Variants in CFAP96 observed in about 807,000 individuals in gnomAD.
CFAP96 encodes the protein cilia and flagella associated protein 96.
At chr4:185,426,683 G>C in the CFAP96 span, among the ~76,000 whole-genome samples, 1 of 152,212 alleles carries the variant, frequency 6.6e-6, no homozygotes, top group Non-Finnish European at 1.5e-5. Flanking sequence ...GGGGATTGCA[G>C]AATATCTGTT....
chr4:185,437,873 T>C, the CFAP96 span, among the ~76,000 whole-genome samples: 3 of 152,180 alleles, frequency 2.0e-5, no homozygotes, highest in Non-Finnish European at 4.4e-5. Flanking sequence ...GAAAAATTTA[T>C]CTTGCTTTTT....
the CFAP96 span, among the ~76,000 whole-genome samples, chr4:185,448,349 A>G: frequency 6.6e-6 from 1 of 152,258 alleles, no homozygotes; most frequent in African/African-American, 2.4e-5. Flanking sequence ...TACATTTTGA[A>G]TGGTAGCTTA....
the CFAP96 span, among the ~76,000 whole-genome samples, chr4:185,433,185 A>G: frequency 1.3e-5 from 2 of 152,130 alleles, no homozygotes; most frequent in Admixed American, 6.6e-5. Context: ...GTAATGTTAT[A>G]TAACTGAGAC....
the CFAP96 span, among the ~76,000 whole-genome samples, chr4:185,433,219 C>A: frequency 6.6e-6 from 1 of 151,702 alleles, no homozygotes; most frequent in Non-Finnish European, 1.5e-5. Flanking sequence ...TTCAGTGAAA[C>A]CCCATCCCTA....
chr4:185,422,956 G>A, the CFAP96 span, among the ~76,000 whole-genome samples: 1 of 152,110 alleles, frequency 6.6e-6, no homozygotes, highest in Non-Finnish European at 1.5e-5. Flanking sequence ...CCTCCTGGGT[G>A]TAAGAGATTC....
the CFAP96 span, chr4:185,415,114 G>C: frequency 6.9e-7 from 1 of 1,441,040 alleles, no homozygotes; most frequent in African/African-American, 1.5e-5. Flanking sequence ...ATGAATGATA[G>C]TCATTATTGT....
the CFAP96 span, chr4:185,413,772 C>G: frequency 1.2e-6 from 2 of 1,613,454 alleles, no homozygotes; most frequent in South Asian, 1.1e-5. Flanking sequence ...ATGTGGATTT[C>G]TAATGTAACC....
At chr4:185,419,136 TTTC>T in the CFAP96 span, among the ~76,000 whole-genome samples, 1 of 152,122 alleles carries the variant, frequency 6.6e-6, no homozygotes, top group Non-Finnish European at 1.5e-5. Flanking sequence ...TCCTACATCT[TTTC>T]TTTTTTTTTT....
At chr4:185,425,994 G>C in the CFAP96 span, 3 of 1,125,924 alleles carry the variant, frequency 2.7e-6, no homozygotes, top group African/African-American at 4.5e-5. Context: ...CTCCCGACAT[G>C]CTCGGCGGCA....
chr4:185,436,100 C>T, the CFAP96 span: 40 of 1,550,772 alleles, frequency 2.6e-5, 1 homozygote, highest in South Asian at 3.1e-4. Flanking sequence ...CATTTTTCAG[C>T]GCACAGTCAA....
At chr4:185,415,716 C>A in the CFAP96 span, 1 of 1,606,910 alleles carries the variant, frequency 6.2e-7, no homozygotes. Context: ...TTACTTTCCC[C>A]ATGTTTCTTC....
At chr4:185,443,546 G>A in the CFAP96 span, among the ~76,000 whole-genome samples, 10 of 150,376 alleles carry the variant, frequency 6.7e-5, no homozygotes, top group African/African-American at 2.2e-4. Flanking sequence ...ACAGGGTTTC[G>A]CCATGTTGCC....
chr4:185,417,011 T>G, the CFAP96 span, among the ~76,000 whole-genome samples: 2 of 152,178 alleles, frequency 1.3e-5, no homozygotes, highest in African/African-American at 4.8e-5. Flanking sequence ...ACATATGTAG[T>G]TTCTTCCCAC....
the CFAP96 span, chr4:185,440,636 G>A: frequency 6.6e-7 from 1 of 1,525,070 alleles, no homozygotes; most frequent in South Asian, 1.2e-5. Context: ...TTATTTTTCT[G>A]AGGAATCTTT....
At chr4:185,421,089 T>G in the CFAP96 span, among the ~76,000 whole-genome samples, 12 of 152,234 alleles carry the variant, frequency 7.9e-5, no homozygotes, top group Non-Finnish European at 1.5e-4. Context: ...AAAATGGTTC[T>G]CATCTTAATG....
At chr4:185,418,111 A>T in the CFAP96 span, among the ~76,000 whole-genome samples, 1 of 149,984 alleles carries the variant, frequency 6.7e-6, no homozygotes, top group Non-Finnish European at 1.5e-5. Flanking sequence ...TAAATCATTT[A>T]CTATTTGTCT....
the CFAP96 span, among the ~76,000 whole-genome samples, chr4:185,428,771 A>G: frequency 6.6e-6 from 1 of 152,030 alleles, no homozygotes; most frequent in African/African-American, 2.4e-5. Flanking sequence ...TGCCTAAATA[A>G]TTGTTCTCTT....
chr4:185,427,034 T>C, the CFAP96 span, among the ~76,000 whole-genome samples: 1 of 149,758 alleles, frequency 6.7e-6, no homozygotes, highest in Non-Finnish European at 1.5e-5. Flanking sequence ...ACTGCACTCC[T>C]AGCCTGGGCA....
chr4:185,413,691 T>A, the CFAP96 span: 2 of 1,578,282 alleles, frequency 1.3e-6, no homozygotes, highest in Admixed American at 1.9e-5. Flanking sequence ...ACATTACTGA[T>A]CCAGTGACTC....
Sources: gnomAD v4.1 joint callset for allele counts (sites outside exome capture counted in the v4.1 genomes callset) on GRCh38, gnomAD v4.1.1 for gene constraint, MANE v1.5 for transcripts, NCBI Gene and HGNC (gene_info 2026-07-23, HGNC 2026-07-21) for gene names.